PCDH7: variants seen among roughly 807,000 people sequenced by gnomAD.
PCDH7 encodes the protein protocadherin 7, also known as protocadherin-7.
PCDH7 carries 17 observed loss-of-function variants against 58.9 expected under a neutral mutation model. That is an observed-to-expected ratio of 0.29 (90% CI 0.20 to 0.43). The LOEUF (loss-of-function observed/expected upper bound fraction) is 0.43, where lower values mean the gene tolerates loss of function less well. Ranked by LOEUF, PCDH7 falls within the 20% of genes least tolerant of loss-of-function variation. PCDH7 has a pLI of 1.00. For synonymous variants in PCDH7, 664 were observed against 616.4 expected, an observed-to-expected ratio of 1.08 and a Z score of -1.14; for missense variants, 1,274 against 1,441.0, an observed-to-expected ratio of 0.88 and a Z score of 1.88.
chr4:31,001,284 G>T (rs1023707239), intron 3 of PCDH7, among the ~76,000 whole-genome samples: 1 of 151,904 alleles, frequency 6.6e-6, no homozygotes, highest in Non-Finnish European at 1.5e-5. Flanking sequence ...GCATTTTGTA[G>T]GTATGAGTGC....
intron 1 of PCDH7, among the ~76,000 whole-genome samples, chr4:30,783,367 G>A (rs573304353): frequency 2.0e-5 from 3 of 152,114 alleles, no homozygotes; most frequent in African/African-American, 4.8e-5. Context: ...CATACTCTGC[G>A]TTTTATGTCA....
chr4:30,899,446 GCTACTAC>G (rs1187461933), intron 1 of PCDH7, among the ~76,000 whole-genome samples: 2 of 152,096 alleles, frequency 1.3e-5, no homozygotes, highest in African/African-American at 4.8e-5. Context: ...TTAAAGCTGT[GCTACTAC>G]CTGTAGCTCC....
intron 3 of PCDH7, among the ~76,000 whole-genome samples, chr4:31,013,009 G>C (rs919769965): frequency 4.0e-5 from 6 of 149,152 alleles, no homozygotes; most frequent in Non-Finnish European, 8.9e-5. Flanking sequence ...AGTGAGAGAT[G>C]GTCTCTACAA....
At chr4:31,123,304 A>G (rs1038701581) in intron 3 of PCDH7, among the ~76,000 whole-genome samples, 3 of 149,976 alleles carry the variant, frequency 2.0e-5, no homozygotes, top group African/African-American at 5.1e-5. Context: ...TCGATACTTA[A>G]GAATCAATAT....
intron 1 of PCDH7, among the ~76,000 whole-genome samples, chr4:30,805,484 AT>A (rs1205336142): frequency 6.6e-6 from 1 of 152,258 alleles, no homozygotes; most frequent in East Asian, 1.9e-4. Context: ...GTAAATACAT[AT>A]AAAAGTAGAA....
intron 3 of PCDH7, among the ~76,000 whole-genome samples, chr4:31,009,609 T>A (rs967533934): frequency 1.3e-5 from 2 of 151,378 alleles, no homozygotes; most frequent in Non-Finnish European, 2.9e-5. Flanking sequence ...TTTTCAACTG[T>A]TTTTTTGTTA....
Position 30,721,247 on chromosome 4 carries a change from C to A in PCDH7, c.-176C>A, listed in dbSNP as rs1335535915. 2 of 581,726 alleles carry A rather than the reference C, an allele frequency of 3.4e-6. No individual in the cohort carries two copies. Among genetic ancestry groups the A allele is most frequent in the Non-Finnish European group, 5.9e-6 (2 of 337,298 alleles). The allele number at this position is 581,726 out of a possible 1,614,324, so 36.0% of individuals were successfully genotyped here. ...GAAGCATCTATCGCTGCCCTCCCAC[C>A]CCCATTCCCGGCCAACTCTCCACGC... On this transcript the variant is annotated 5_prime_UTR_variant, in exon 1 of 2. Transcript: ENST00000361762. This position sits in a 1 kb window ranked among gnomAD's most constrained non-coding sequence, Gnocchi z 6.7.
chr4:30,993,824 T>C (rs1177258893), intron 3 of PCDH7, among the ~76,000 whole-genome samples: 1 of 152,132 alleles, frequency 6.6e-6, no homozygotes, highest in Admixed American at 6.6e-5. Flanking sequence ...ATATGAAGAT[T>C]GTAATGAATT....
At chr4:30,909,639 AAGG>A (rs1406744149) in intron 1 of PCDH7, among the ~76,000 whole-genome samples, 2 of 152,204 alleles carry the variant, frequency 1.3e-5, no homozygotes, top group Non-Finnish European at 2.9e-5. Context: ...GGACCTCTTC[AAGG>A]AGAACTACAA....
intron 3 of PCDH7, among the ~76,000 whole-genome samples, chr4:31,062,265 G>A (rs1396622756): frequency 6.6e-6 from 1 of 151,590 alleles, no homozygotes. Context: ...AAATTGGAAT[G>A]CACTAAGGAT....
intron 3 of PCDH7, among the ~76,000 whole-genome samples, chr4:31,111,042 T>C (rs1378643023): frequency 6.6e-6 from 1 of 152,118 alleles, no homozygotes; most frequent in East Asian, 1.9e-4. Context: ...CCATATTGAC[T>C]GACAGGAATT....
At chr4:30,737,892 G>A (rs948691275), downstream of PCDH7, among the ~76,000 whole-genome samples, 2 of 152,266 alleles carry the variant, frequency 1.3e-5, no homozygotes, top group Non-Finnish European at 2.9e-5. Flanking sequence ...ACCCCAGACC[G>A]GGTGTCTTAA....
intron 1 of PCDH7, among the ~76,000 whole-genome samples, chr4:30,873,594 T>C (rs1018825228): frequency 6.6e-6 from 1 of 151,746 alleles, no homozygotes; most frequent in Non-Finnish European, 1.5e-5. Flanking sequence ...TAAGAGGGAG[T>C]GTAGGTCATT....
chr4:30,888,037 G>A (rs371373600), intron 1 of PCDH7, among the ~76,000 whole-genome samples: 19 of 151,994 alleles, frequency 1.3e-4, no homozygotes, highest in Admixed American at 9.8e-4. Flanking sequence ...CACCAAGCCC[G>A]ACTAATTTTT....
downstream of PCDH7, among the ~76,000 whole-genome samples, chr4:30,734,451 C>T (rs1471008218): frequency 6.6e-6 from 1 of 152,136 alleles, no homozygotes; most frequent in African/African-American, 2.4e-5. Context: ...TCAGGCTGGT[C>T]TTGAACTCCT....
intron 1 of PCDH7, among the ~76,000 whole-genome samples, chr4:30,760,256 A>C (rs575860628): frequency 2.0e-4 from 30 of 152,284 alleles, no homozygotes; most frequent in Non-Finnish European, 3.5e-4. Flanking sequence ...GGAGCAGGGG[A>C]AGGCAGTCTT....
At chr4:30,894,508 TATATATATACACACACAC>T (rs1560476767) in intron 1 of PCDH7, among the ~76,000 whole-genome samples, 1 of 49,128 alleles carries the variant, frequency 2.0e-5, no homozygotes, top group African/African-American at 1.2e-4. Flanking sequence ...TATATATATA[TATATATATACACACACAC>T]ACACACACAC....
chr4:30,730,710 G>T (rs543780091), intron 1 of PCDH7: 1 of 1,472,066 alleles, frequency 6.8e-7, no homozygotes, highest in African/African-American at 1.4e-5. Context: ...TTTCTTTATC[G>T]ATTTTTTTTT....
chr4:31,035,247 C>CTTTTTTTTTTTTTTT (rs35099580), intron 3 of PCDH7, among the ~76,000 whole-genome samples: 1 of 99,380 alleles, frequency 1.0e-5, no homozygotes, highest in Non-Finnish European at 1.8e-5. Flanking sequence ...CCTTTTTTCC[C>CTTTTTTTTTTTTTTT]TTTTTTTTTT....
Sources: allele counts gnomAD v4.1 joint callset (sites outside exome capture counted in the v4.1 genomes callset), GRCh38; gene constraint gnomAD v4.1.1; non-coding constraint Gnocchi (gnomAD v3.1); transcripts MANE v1.5; gene names NCBI Gene and HGNC (gene_info 2026-07-23, HGNC 2026-07-21).